SGCZ: variants seen among roughly 807,000 people sequenced by gnomAD.
The protein encoded by SGCZ is sarcoglycan zeta.
Under a neutral mutation model 41.3 loss-of-function variants are expected in SGCZ, and 40 were observed. The ratio of observed to expected loss-of-function variants is 0.97; its 90% confidence interval spans 0.75 to 1.26. SGCZ has a LOEUF of 1.26. SGCZ is among the 50% of genes most tolerant of loss of function. The pLI, the probability that SGCZ is intolerant of heterozygous loss-of-function variation, is 0.00. For missense variants in SGCZ, 552 were observed against 369.8 expected (o/e 1.49, Z -4.04); for synonymous variants, 206 against 137.5 (o/e 1.50, Z -3.49).
At chr8:14,581,433 G>T (rs1292981412) in intron 1 of SGCZ, among the ~76,000 whole-genome samples, 1 of 151,226 alleles carries the variant, frequency 6.6e-6, no homozygotes, top group African/African-American at 2.4e-5. Context: ...TATGTTTTTT[G>T]TTTGTTTGTT....
Position 14,563,159 on chromosome 8 carries a change from C to G in SGCZ, c.40-8233G>C, listed in dbSNP as rs564195279. Among the ~76,000 whole-genome samples the G allele has an allele frequency of 3.3e-5, 5 of 152,322 alleles. No individual in the cohort carries two copies. The East Asian group carries it at 9.7e-4, about 29-fold the overall frequency. On this transcript the variant is annotated intron_variant, in intron 1 of 7. Transcript: ENST00000382080. ...TCGCCTCCTCCACAGTGTGCTTCCT[C>G]AGAGCCTCATTACCCCAAGCTTGCT...
chr8:14,833,558 T>C (rs1802600684), intron 1 of SGCZ, among the ~76,000 whole-genome samples: 1 of 152,126 alleles, frequency 6.6e-6, no homozygotes, highest in African/African-American at 2.4e-5. Context: ...TAGTACATGG[T>C]TTGATTTGAA....
chr8:14,910,658 T>C (rs746251610), intron 1 of SGCZ, among the ~76,000 whole-genome samples: 2 of 151,906 alleles, frequency 1.3e-5, no homozygotes, highest in Admixed American at 6.6e-5. Context: ...AAAACATCGG[T>C]AAAGTAAAAA....
intron 5 of SGCZ, among the ~76,000 whole-genome samples, chr8:14,139,706 C>T (rs1271746420): frequency 6.6e-6 from 1 of 151,860 alleles, no homozygotes; most frequent in Non-Finnish European, 1.5e-5. Context: ...GCCTACCAAC[C>T]AAAAAAAGTC....
intron 1 of SGCZ, among the ~76,000 whole-genome samples, chr8:14,789,760 A>T (rs1800889999): frequency 6.6e-6 from 1 of 152,074 alleles, no homozygotes; most frequent in East Asian, 1.9e-4. Flanking sequence ...TATTGTTCTG[A>T]CTAGACCAGT....
chr8:14,566,858 T>G (rs1009379302), intron 1 of SGCZ, among the ~76,000 whole-genome samples: 2 of 152,116 alleles, frequency 1.3e-5, no homozygotes, highest in Non-Finnish European at 2.9e-5. Context: ...CTGCACACGG[T>G]GCTTGCGGGC....
chr8:14,531,291 C>T (rs995241878), intron 2 of SGCZ, among the ~76,000 whole-genome samples: 19 of 151,952 alleles, frequency 1.3e-4, no homozygotes, highest in African/African-American at 3.9e-4. Context: ...GGTCCCCTCT[C>T]GGTGCTGAGA....
intron 1 of SGCZ, among the ~76,000 whole-genome samples, chr8:14,916,581 A>G (rs1246868655): frequency 6.6e-6 from 1 of 152,236 alleles, no homozygotes; most frequent in African/African-American, 2.4e-5. Flanking sequence ...TGTAAGCTCC[A>G]TATAAGTTAA....
In SGCZ at chr8:14,678,144, G is replaced by C. The variant is rs1432304708; in HGVS notation, c.40-123218C>G. On this transcript the variant is annotated intron_variant, in intron 1 of 7. Transcript: ENST00000382080. ...GCTTTTGTTTGGCAATGTTGACGTA[G>C]ATACAACAACAAAGACATAATCCAT... Among the ~76,000 whole-genome samples the C allele has an allele frequency of 2.0e-5, 3 of 152,162 alleles. No individual in the cohort carries two copies. In the East Asian group the frequency reaches 5.8e-4, roughly 29 times the overall value.
intron 1 of SGCZ, among the ~76,000 whole-genome samples, chr8:14,914,714 A>T (rs868492284): frequency 6.6e-6 from 1 of 152,324 alleles, no homozygotes; most frequent in Middle Eastern, 3.4e-3. Flanking sequence ...TCTTATCAAA[A>T]AGCAGGCAAA....
intron 5 of SGCZ, among the ~76,000 whole-genome samples, chr8:14,120,962 T>A (rs561120539): frequency 4.6e-5 from 7 of 152,202 alleles, no homozygotes; most frequent in Non-Finnish European, 7.4e-5. Context: ...TCAGGAATAA[T>A]AAGGCAATCT....
At chr8:14,444,848 C>A (rs551218783) in intron 2 of SGCZ, among the ~76,000 whole-genome samples, 1 of 152,102 alleles carries the variant, frequency 6.6e-6, no homozygotes, top group East Asian at 1.9e-4. Flanking sequence ...GAAGCCAGCT[C>A]TTAGATCAAA....
intron 1 of SGCZ, among the ~76,000 whole-genome samples, chr8:14,932,968 A>G (rs898326467): frequency 2.0e-5 from 3 of 151,982 alleles, no homozygotes; most frequent in Non-Finnish European, 4.4e-5. Flanking sequence ...CAAATACCAC[A>G]TGTTCTTGCT....
chr8:14,484,066 T>G (rs1281193737), intron 2 of SGCZ, among the ~76,000 whole-genome samples: 1 of 151,412 alleles, frequency 6.6e-6, no homozygotes, highest in Non-Finnish European at 1.5e-5. Context: ...AGACATCACA[T>G]GTTACTTTAT....
intron 4 of SGCZ, among the ~76,000 whole-genome samples, chr8:14,184,177 A>G (rs973815173): frequency 2.6e-5 from 4 of 151,472 alleles, no homozygotes; most frequent in Non-Finnish European, 5.9e-5. Flanking sequence ...ATTCCAGTAT[A>G]TTTAAGAATA....
intron 1 of SGCZ, among the ~76,000 whole-genome samples, chr8:14,728,017 G>A (rs958961240): frequency 5.9e-5 from 9 of 152,086 alleles, no homozygotes; most frequent in Non-Finnish European, 5.9e-5. Context: ...TACTTGATGC[G>A]TCCATTTATA....
intron 4 of SGCZ, among the ~76,000 whole-genome samples, chr8:14,180,716 A>C (rs1008876698): frequency 6.6e-6 from 1 of 152,072 alleles, no homozygotes; most frequent in African/African-American, 2.4e-5. Context: ...CATGGCCTTT[A>C]AAACAGGCCT....
In SGCZ at chr8:14,335,556, A is replaced by G. The variant is rs73516208; in HGVS notation, c.235-11352T>C. Among the ~76,000 whole-genome samples the G allele has an allele frequency of 2.2e-3, 337 of 152,152 alleles. 2 individuals are homozygous for G. Among genetic ancestry groups the G allele is most frequent in the African/African-American group, 7.6e-3 (316 of 41,548 alleles). On this transcript the variant is annotated intron_variant, in intron 2 of 7. Transcript: ENST00000382080. ...CCACATGGCATACTTTCTAAGTTTT[A>G]TTTGTTTATCAGCTGTCACAGACAG...
chr8:14,829,646 G>C (rs1390837451), intron 1 of SGCZ, among the ~76,000 whole-genome samples: 1 of 151,900 alleles, frequency 6.6e-6, no homozygotes, highest in Non-Finnish European at 1.5e-5. Flanking sequence ...AAATATATCA[G>C]CTACAATATA....
Sources: gnomAD v4.1 joint callset for allele counts (sites outside exome capture counted in the v4.1 genomes callset) on GRCh38, gnomAD v4.1.1 for gene constraint, MANE v1.5 for transcripts, NCBI Gene and HGNC (gene_info 2026-07-23, HGNC 2026-07-21) for gene names.